The following USH2A variants were observed in gnomAD, a reference collection of about 807,000 sequenced individuals.
USH2A encodes usherin, also known as Usher syndrome 2A (autosomal recessive, mild).
Under a neutral mutation model 538.9 loss-of-function variants are expected in USH2A, and 443 were observed. The observed-to-expected ratio is 0.82, with a 90% CI of 0.76 to 0.89. The LOEUF (loss-of-function observed/expected upper bound fraction) is 0.89, where lower values mean the gene tolerates loss of function less well. Among genes scored for constraint, USH2A ranks in the 40% least tolerant of loss-of-function variants. USH2A has a pLI of 0.00. For synonymous variants in USH2A, 2,413 were observed against 2,273.5 expected (o/e 1.06, Z -1.75); for missense variants, 6,633 against 6,324.8 (o/e 1.05, Z -1.65).
At chr1:215,788,984 G>C (rs1334308647) in intron 51 of USH2A, among the ~76,000 whole-genome samples, 2 of 151,324 alleles carry the variant, frequency 1.3e-5, no homozygotes, top group Non-Finnish European at 2.9e-5. Flanking sequence ...AGAGGTAAAA[G>C]GAATTCCTGA....
At chr1:216,104,288 T>G (rs1448325960) in intron 21 of USH2A, among the ~76,000 whole-genome samples, 1 of 149,796 alleles carries the variant, frequency 6.7e-6, no homozygotes, top group Non-Finnish European at 1.5e-5. Flanking sequence ...CATTGTTCAA[T>G]TCCCACCTAT....
At chr1:216,014,085 A>AAG (rs35678269) in intron 32 of USH2A, among the ~76,000 whole-genome samples, 4 of 145,248 alleles carry the variant, frequency 2.8e-5, no homozygotes, top group African/African-American at 9.9e-5. Flanking sequence ...AGCATGAAAA[A>AAG]AGAGAGAGAG....
intron 17 of USH2A, 116 bp from the exon 18 acceptor site, chr1:216,198,700 A>G: frequency 1.1e-6 from 1 of 929,376 alleles, no homozygotes; most frequent in Non-Finnish European, 1.6e-6. Flanking sequence ...TTCTAATTAG[A>G]TTACTGTCAA....
rs561559508 is a variant in USH2A, at chr1:215,793,686, C to T, written c.9959-3404G>A. The stretch of plus-strand genomic sequence containing the variant: ...CTCTGCAAAATTCCCAAATTCCCAT[C>T]TTATGAAACAAACAGCGATAGTCAT... On this transcript the variant is annotated intron_variant, in intron 50 of 71. Transcript: ENST00000307340. Among the ~76,000 whole-genome samples, 7 of 152,290 alleles carry T rather than the reference C, an allele frequency of 4.6e-5. No homozygotes were observed. In the South Asian group the frequency reaches 1.5e-3, roughly 32 times the overall value.
chr1:215,959,836 T>C (rs1667154060), intron 37 of USH2A, among the ~76,000 whole-genome samples: 1 of 152,178 alleles, frequency 6.6e-6, no homozygotes, highest in Non-Finnish European at 1.5e-5. Flanking sequence ...TAGCACACGC[T>C]GGTGCCTTGC....
At chr1:216,191,049 A>T (rs906577032) in intron 19 of USH2A, among the ~76,000 whole-genome samples, 3 of 152,052 alleles carry the variant, frequency 2.0e-5, no homozygotes, top group African/African-American at 7.2e-5. Context: ...CACAGTCCAT[A>T]AATAAATTAT....
At chr1:215,974,754 G>A (rs1372235997) in intron 35 of USH2A, among the ~76,000 whole-genome samples, 2 of 152,088 alleles carry the variant, frequency 1.3e-5, no homozygotes, top group Non-Finnish European at 2.9e-5. Flanking sequence ...TGGGCACCTA[G>A]GCTGATTCCA....
chr1:215,696,171 C>T (rs1195588995), intron 61 of USH2A, among the ~76,000 whole-genome samples: 1 of 152,130 alleles, frequency 6.6e-6, no homozygotes, highest in African/African-American at 2.4e-5. Context: ...TTATATACTG[C>T]ATTCTTACAA....
At chr1:215,803,373 T>C (rs1049302469) in intron 49 of USH2A, among the ~76,000 whole-genome samples, 9 of 152,080 alleles carry the variant, frequency 5.9e-5, no homozygotes, top group Non-Finnish European at 1.0e-4. Flanking sequence ...TGATTGTATA[T>C]CTAGAAAACC....
At chr1:215,679,452 C>T (rs982263626) in intron 62 of USH2A, among the ~76,000 whole-genome samples, 1 of 152,106 alleles carries the variant, frequency 6.6e-6, no homozygotes, top group African/African-American at 2.4e-5. Flanking sequence ...GAGGTAAAGG[C>T]AGTAGTATGA....
chr1:216,116,329 T>C (rs1169253921), intron 21 of USH2A, among the ~76,000 whole-genome samples: 3 of 152,138 alleles, frequency 2.0e-5, no homozygotes, highest in Non-Finnish European at 4.4e-5. Context: ...TACTAAAATA[T>C]ACTGTATTTT....
rs575630995 is a variant in USH2A, at chr1:216,146,252, G to A, written c.4627+29000C>T. 1.2e-4 allele frequency among the ~76,000 whole-genome samples: 19 copies of A among 152,076 alleles called. 1 individual carries two copies. In the East Asian group the frequency reaches 2.3e-3, roughly 19 times the overall value. On this transcript the variant is annotated intron_variant, in intron 21 of 71. Transcript: ENST00000307340. Reference sequence around the variant, plus strand: ...CAACCTCCCTCACTATCCCTCAACCGCTTTCTCCTTTCAATCTTGGTGCCA... The same window carrying A: ...CAACCTCCCTCACTATCCCTCAACCACTTTCTCCTTTCAATCTTGGTGCCA...
intron 3 of USH2A, among the ~76,000 whole-genome samples, chr1:216,398,949 A>G (rs2039262427): frequency 6.6e-6 from 1 of 152,222 alleles, no homozygotes; most frequent in Non-Finnish European, 1.5e-5. Context: ...TAGTATTGGC[A>G]GAGTGAGCAG....
rs1558368738 is a variant in USH2A, at chr1:216,292,247, C to T, written c.1768G>A (p.Val590Ile). Residue 590 changes from valine to isoleucine, a missense_variant, in exon 10 of 72, where the codon GTA (valine) becomes ATA (isoleucine). Coordinates refer to ENST00000307340, the MANE Select transcript of USH2A (RefSeq NM_206933.4). ...AAGTGCTCAAAAGGAAATGGGTCTA[C>T]AGAGATGTTGTAATGGCAGCTTTTG... ...HSKSCHYNIS[V>I]DPFPFEHFRG... is the part of the protein sequence containing the mutation. 6.2e-7 allele frequency: 1 copy of T among 1,614,068 alleles called. No individual in the cohort carries two copies. Among genetic ancestry groups the T allele is most frequent in the Non-Finnish European group, 8.5e-7 (1 of 1,179,968 alleles).
chr1:216,169,495 A>G lies in USH2A; in HGVS notation c.4627+5757T>C, dbSNP rs145049318. On this transcript the variant is annotated intron_variant, in intron 21 of 71. Transcript: ENST00000307340. ...CTCGCAGTGCCATCAATGCCACCTG[A>G]AGGCATTTCCTGAGAACTTACTTAT... Among the ~76,000 whole-genome samples, 641 of 152,256 alleles carry G rather than the reference A, an allele frequency of 4.2e-3. 1 individual carries two copies. The highest frequency in any genetic ancestry group is 0.017 in the South Asian group (81 of 4,828).
rs1402191965 is a variant in USH2A at position 215,947,438 on chromosome 1, T to C, written c.7121-12643A>G. Reference sequence around the variant, plus strand: ...ATATGTAGCTCACATTATATTTCTATTAGGCAGTGCTGTTCTGATGTGCTA... The same window carrying C: ...ATATGTAGCTCACATTATATTTCTACTAGGCAGTGCTGTTCTGATGTGCTA... On this transcript the variant is annotated intron_variant, in intron 37 of 71. Transcript: ENST00000307340. 2.0e-5 allele frequency among the ~76,000 whole-genome samples: 3 copies of C among 152,232 alleles called. No individual in the cohort carries two copies. The South Asian group carries it at 6.2e-4, about 31-fold the overall frequency.
At chr1:216,186,695 A>G (rs1430126018) in intron 20 of USH2A, among the ~76,000 whole-genome samples, 3 of 151,944 alleles carry the variant, frequency 2.0e-5, no homozygotes, top group Admixed American at 6.6e-5. Flanking sequence ...CTGGATGGTT[A>G]TAATTGGCAT....
intron 14 of USH2A, 141 bp downstream of exon 14, chr1:216,231,812 C>T: frequency 1.0e-6 from 1 of 994,960 alleles, no homozygotes; most frequent in Non-Finnish European, 1.5e-6. Context: ...CTTGGTCTCT[C>T]AAAGTGCTGG....
Position 215,979,614 on chromosome 1 carries a change from C to T in USH2A, c.6806-8838G>A, listed in dbSNP as rs190721704. Among the ~76,000 whole-genome samples, 9 of 151,944 alleles carry T rather than the reference C, an allele frequency of 5.9e-5. No individual in the cohort carries two copies. In the East Asian group the frequency reaches 1.4e-3, roughly 23 times the overall value. ...TTTTCCTGAATGTATAGGAAGTAGTCGTGAATGAGGCAGGGATGTGGGAAT... is the reference window on the plus strand; with the variant it reads ...TTTTCCTGAATGTATAGGAAGTAGTTGTGAATGAGGCAGGGATGTGGGAAT... On this transcript the variant is annotated intron_variant, in intron 35 of 71. Transcript: ENST00000307340.
Sources: gnomAD v4.1 joint callset for allele counts (sites outside exome capture counted in the v4.1 genomes callset) on GRCh38, gnomAD v4.1.1 for gene constraint, MANE v1.5 for transcripts, NCBI Gene and HGNC (gene_info 2026-07-23, HGNC 2026-07-21) for gene names.